Variants in ITGA9 observed in about 807,000 individuals in gnomAD.
ITGA9 encodes the protein integrin subunit alpha 9, also known as integrin alpha-9.
In ITGA9, 56 loss-of-function variants were observed where a neutral mutation model predicts 127.8. The observed-to-expected ratio is 0.44, with a 90% CI of 0.35 to 0.55. The LOEUF is 0.55. Among genes scored for constraint, ITGA9 ranks in the 20% least tolerant of loss-of-function variants. ITGA9 has a pLI of 0.00. For missense variants in ITGA9, 1,196 were observed against 1,347.1 expected (o/e 0.89, Z 1.76); for synonymous variants, 508 against 514.5 (o/e 0.99, Z 0.17).
intron 21 of ITGA9, among the ~76,000 whole-genome samples, chr3:37,742,405 C>A (rs77147659): frequency 3.3e-5 from 5 of 152,154 alleles, no homozygotes; most frequent in Non-Finnish European, 4.4e-5. Flanking sequence ...GTCAAGTCCA[C>A]GGTCATTCAG....
In ITGA9 at chr3:37,563,700, C is replaced by T. The variant is rs949411179; in HGVS notation, c.1689+21115C>T. On this transcript the variant is annotated intron_variant, in intron 15 of 27. Transcript: ENST00000264741. ...TCAATGTTACAGCCATTTATGTCCCCTCAGATGTTGGGTTGGTCCTGGATG... is the reference window on the plus strand; with the variant it reads ...TCAATGTTACAGCCATTTATGTCCCTTCAGATGTTGGGTTGGTCCTGGATG... Among the ~76,000 whole-genome samples, 29 of 152,326 alleles carry T rather than the reference C, an allele frequency of 1.9e-4. No individual in the cohort carries two copies. In the East Asian group the frequency reaches 5.2e-3, roughly 27 times the overall value.
chr3:37,545,362 T>A (rs1699315922), intron 15 of ITGA9, among the ~76,000 whole-genome samples: 3 of 152,202 alleles, frequency 2.0e-5, no homozygotes, highest in Admixed American at 6.5e-5. Flanking sequence ...TTAAGCCTAT[T>A]CCAATCTTTT....
intron 23 of ITGA9, among the ~76,000 whole-genome samples, chr3:37,771,414 G>T (rs1696842438): frequency 6.6e-6 from 1 of 152,214 alleles, no homozygotes; most frequent in African/African-American, 2.4e-5. Context: ...CATGAAGTGA[G>T]GAATTAGCAA....
intron 15 of ITGA9, among the ~76,000 whole-genome samples, chr3:37,561,891 G>C (rs1393008978): frequency 1.3e-5 from 2 of 152,194 alleles, no homozygotes; most frequent in Non-Finnish European, 2.9e-5. Flanking sequence ...GGGATTTGGA[G>C]GGTGCAGAGG....
At chr3:37,582,630 A>G (rs763628955) in intron 15 of ITGA9, among the ~76,000 whole-genome samples, 1 of 152,210 alleles carries the variant, frequency 6.6e-6, no homozygotes, top group Non-Finnish European at 1.5e-5. Context: ...CTGTTAGTCC[A>G]TGGAGTGGTG....
chr3:37,464,972 C>T (rs570598107), intron 1 of ITGA9, among the ~76,000 whole-genome samples: 4 of 151,324 alleles, frequency 2.6e-5, no homozygotes, highest in East Asian at 1.9e-4. Context: ...GGGGTTTCCC[C>T]GTGGTGGACA....
chr3:37,716,914 A>T (rs74400990), intron 18 of ITGA9, among the ~76,000 whole-genome samples: 10 of 152,162 alleles, frequency 6.6e-5, no homozygotes, highest in Non-Finnish European at 4.4e-5. Flanking sequence ...TTATATTAGG[A>T]GGTCCGTCAT....
Position 37,452,474 on chromosome 3 carries a change from C to T in ITGA9, c.100C>T (p.Pro34Ser), listed in dbSNP as rs751056402. 1.9e-4 allele frequency: 292 copies of T among 1,504,540 alleles called. No homozygotes were observed. The highest frequency in any genetic ancestry group is 2.5e-4 in the Non-Finnish European group (283 of 1,126,074). 93.2% of individuals were successfully genotyped at this position (1,504,540 alleles called of 1,614,324 possible). Residue 34 changes from proline to serine, a missense_variant, in exon 1 of 28, where the codon CCG (proline) becomes TCG (serine). Pro to Ser is a moderately conservative substitution (Grantham distance 74). Transcript: ENST00000264741. The surrounding 1 kb of genome is among the most constrained non-coding windows in gnomAD (Gnocchi z 7.3). Reference sequence around the variant, plus strand: ...CCCCGCGGGCGCCTACAACCTCGACCCGCAGCGCCCCGTGCACTTCCAGGG... The same window carrying T: ...CCCCGCGGGCGCCTACAACCTCGACTCGCAGCGCCCCGTGCACTTCCAGGG... ...GIPAGAYNLD[P>S]QRPVHFQGPA...
chr3:37,687,049 A>C (rs1428379471), intron 18 of ITGA9, among the ~76,000 whole-genome samples: 1 of 152,228 alleles, frequency 6.6e-6, no homozygotes, highest in Non-Finnish European at 1.5e-5. Flanking sequence ...TACAGAGGGA[A>C]AGCATAAGTT....
chr3:37,551,279 C>T (rs1169691350), intron 15 of ITGA9, among the ~76,000 whole-genome samples: 1 of 152,124 alleles, frequency 6.6e-6, no homozygotes, highest in Non-Finnish European at 1.5e-5. Context: ...TTCTGTTCGC[C>T]AGCCCCTCTG....
At position 37,741,796 on chromosome 3, in the gene ITGA9, C is replaced by T. The variant is rs767236247; in HGVS notation, c.2301C>T (p.His767=). 1.1e-5 allele frequency: 18 copies of T among 1,613,518 alleles called. No individual in the cohort carries two copies. The highest frequency in any genetic ancestry group is 5.0e-5 in the Admixed American group (3 of 59,966). Residue 767 remains histidine (H), a synonymous_variant, in exon 21 of 28, where the codon CAC becomes CAT. Transcript: ENST00000264741. The stretch of plus-strand genomic sequence containing the variant: ...TCGTGCTGATGGTGCCACTGATGCA[C>T]GAGGTGGACACGTCCATCACCGGGT... ...NTLVLMVPLM[H]EVDTSITGIM...
chr3:37,771,158 C>A (rs978649011), intron 23 of ITGA9, among the ~76,000 whole-genome samples: 2 of 152,140 alleles, frequency 1.3e-5, no homozygotes, highest in African/African-American at 4.8e-5. Flanking sequence ...TGAGGACTGA[C>A]TGGGCAGAGA....
chr3:37,470,250 G>A (rs1698415038), intron 1 of ITGA9, among the ~76,000 whole-genome samples: 1 of 151,106 alleles, frequency 6.6e-6, no homozygotes. Context: ...GGAATTACTG[G>A]GTCAAAGGGT....
chr3:37,746,294 G>A (rs1696499649), intron 22 of ITGA9, among the ~76,000 whole-genome samples: 1 of 152,188 alleles, frequency 6.6e-6, no homozygotes, highest in African/African-American at 2.4e-5. Context: ...ATTGTTTAAA[G>A]GCTCCACTGC....
chr3:37,522,424 A>G (rs1699053283), intron 11 of ITGA9, among the ~76,000 whole-genome samples: 1 of 152,190 alleles, frequency 6.6e-6, no homozygotes, highest in South Asian at 2.1e-4. Flanking sequence ...TATGTGATGA[A>G]CTTAATGATG....
chr3:37,466,739 A>G (rs1278286107), intron 1 of ITGA9, among the ~76,000 whole-genome samples: 1 of 152,216 alleles, frequency 6.6e-6, no homozygotes, highest in African/African-American at 2.4e-5. Flanking sequence ...GACAAGTGCC[A>G]GGTGTTCCCC....
chr3:37,508,614 C>T lies in ITGA9; in HGVS notation c.884C>T (p.Ala295Val). The stretch of plus-strand genomic sequence containing the variant: ...GGCACCTTAATTAAGATCTTTCAAG[C>T]ATCAGGTAAAAAGGTGAGGTTCTTG... ...RSGTLIKIFQ[A>V]SGKKMGSYFG... Residue 295 changes from alanine (A) to valine (V), a missense_variant, in exon 8 of 28, where the codon GCA becomes GTA. Coordinates refer to ENST00000264741, the MANE Select transcript of ITGA9 (RefSeq NM_002207.3). 6.2e-7 allele frequency: 1 copy of T among 1,613,182 alleles called. No homozygotes were observed. Among genetic ancestry groups the T allele is most frequent in the Non-Finnish European group, 8.5e-7 (1 of 1,179,336 alleles).
rs1234789941 is a variant in ITGA9 at position 37,490,970 on chromosome 3, C to CCG, written c.545-3530_545-3529insGC. On this transcript the variant is annotated intron_variant, in intron 4 of 27. Transcript: ENST00000264741. ...TTTTGGGTCTCAGATTTGGCTTCCC[C>CCG]CCCGCTTTTTTTTTTTTTTTTTTTG... is the stretch of plus-strand genomic sequence containing the variant. 1.1e-4 allele frequency among the ~76,000 whole-genome samples: 15 copies of CCG among 135,322 alleles called. No individual in the cohort carries two copies. The East Asian group carries it at 2.0e-3, about 18-fold the overall frequency. The allele number at this position is 135,322 out of a possible 152,430, so 88.8% of individuals were successfully genotyped here. A position where few individuals can be genotyped will look rare whatever the true frequency, so the allele number is the denominator to read the frequency against.
At chr3:37,812,072 C>A (rs1434116725) in intron 27 of ITGA9, among the ~76,000 whole-genome samples, 1 of 152,164 alleles carries the variant, frequency 6.6e-6, no homozygotes, top group African/African-American at 2.4e-5. Context: ...GCTGGGAGGG[C>A]ATCCTTGCTT....
Sources: gnomAD v4.1 joint callset for allele counts (sites outside exome capture counted in the v4.1 genomes callset) on GRCh38, gnomAD v4.1.1 for gene constraint, Gnocchi (gnomAD v3.1) non-coding constraint, MANE v1.5 for transcripts, NCBI Gene and HGNC (gene_info 2026-07-23, HGNC 2026-07-21) for gene names.